CCSER1: variants seen among roughly 807,000 people sequenced by gnomAD.
The protein encoded by CCSER1 is coiled-coil serine rich protein 1.
CCSER1 carries 41 observed loss-of-function variants against 82.0 expected under a neutral mutation model. The observed-to-expected ratio is 0.50, with a 90% CI of 0.39 to 0.65. The LOEUF (loss-of-function observed/expected upper bound fraction) is 0.65, where lower values mean the gene tolerates loss of function less well. Among genes scored for constraint, CCSER1 ranks in the 30% least tolerant of loss-of-function variants. CCSER1 has a pLI of 0.00. For missense variants in CCSER1, 1,119 were observed against 1,064.2 expected, an observed-to-expected ratio of 1.05 and a Z score of -0.72; for synonymous variants, 414 against 383.9, an observed-to-expected ratio of 1.08 and a Z score of -0.92.
intron 10 of CCSER1, among the ~76,000 whole-genome samples, chr4:91,297,648 A>G (rs758522456): frequency 2.6e-5 from 4 of 151,952 alleles, no homozygotes; most frequent in African/African-American, 4.8e-5. Context: ...GTTAGACTGG[A>G]AAATAGGAGG....
At chr4:90,527,359 G>A (rs1357611569) in intron 5 of CCSER1, among the ~76,000 whole-genome samples, 1 of 152,084 alleles carries the variant, frequency 6.6e-6, no homozygotes. Flanking sequence ...CATGATCACT[G>A]GTCATTAAGG....
intron 6 of CCSER1, among the ~76,000 whole-genome samples, chr4:90,682,735 C>A (rs1734120914): frequency 6.6e-6 from 1 of 151,792 alleles, no homozygotes; most frequent in Admixed American, 6.6e-5. Flanking sequence ...GCTCTTTTGT[C>A]CTTGAACATA....
intron 5 of CCSER1, among the ~76,000 whole-genome samples, chr4:90,555,098 G>A (rs1777959957): frequency 6.6e-6 from 1 of 151,830 alleles, no homozygotes; most frequent in Admixed American, 6.6e-5. Flanking sequence ...TCAAAAATAT[G>A]TTAAACATAA....
In CCSER1 at chr4:90,446,710, T is replaced by C. The variant is rs141701215; in HGVS notation, c.1604-21524T>C. Among the ~76,000 whole-genome samples the C allele has an allele frequency of 1.7e-4, 26 of 152,310 alleles. No individual in the cohort carries two copies. The East Asian group carries it at 2.7e-3, about 16-fold the overall frequency. On this transcript the variant is annotated intron_variant, in intron 4 of 10. Transcript: ENST00000509176. Reference sequence around the variant, plus strand: ...ATGGGTTGGAACTATGTGGGTCCACTTGTGTACAGATTTTCCTCAATACAA... The same window carrying C: ...ATGGGTTGGAACTATGTGGGTCCACCTGTGTACAGATTTTCCTCAATACAA...
chr4:91,559,595 ATTTAT>A (rs1317549456), intron 10 of CCSER1, among the ~76,000 whole-genome samples: 1 of 151,474 alleles, frequency 6.6e-6, no homozygotes, highest in African/African-American at 2.4e-5. Context: ...ATATTTATGA[ATTTAT>A]ATTTTTCATA....
At chr4:91,578,956 A>G (rs1175755841) in intron 10 of CCSER1, among the ~76,000 whole-genome samples, 1 of 151,822 alleles carries the variant, frequency 6.6e-6, no homozygotes, top group Non-Finnish European at 1.5e-5. Context: ...AATAATACAC[A>G]TCAGAGAAAT....
At chr4:91,111,849 A>AG (rs1491213694) in intron 10 of CCSER1, among the ~76,000 whole-genome samples, 4 of 148,308 alleles carry the variant, frequency 2.7e-5, no homozygotes, top group Admixed American at 6.7e-5. Context: ...ACAATAAAAC[A>AG]GAAAAAAAAA....
At chr4:90,180,634 G>A (rs1214835503) in intron 1 of CCSER1, among the ~76,000 whole-genome samples, 3 of 151,832 alleles carry the variant, frequency 2.0e-5, no homozygotes, top group East Asian at 1.9e-4. Flanking sequence ...TCTTCCCTCT[G>A]TGACTTCATT....
chr4:90,789,007 T>C (rs912953985), intron 7 of CCSER1, among the ~76,000 whole-genome samples: 7 of 149,394 alleles, frequency 4.7e-5, no homozygotes, highest in African/African-American at 1.3e-4. Flanking sequence ...ATCTAACACA[T>C]ACACACACAC....
intron 2 of CCSER1, among the ~76,000 whole-genome samples, chr4:90,311,573 A>T (rs1735294659): frequency 6.6e-6 from 1 of 152,192 alleles, no homozygotes; most frequent in Non-Finnish European, 1.5e-5. Flanking sequence ...AATGTATTTT[A>T]TCCAATAAAG....
At chr4:91,505,528 T>C (rs1759439301) in intron 10 of CCSER1, among the ~76,000 whole-genome samples, 1 of 152,208 alleles carries the variant, frequency 6.6e-6, no homozygotes, top group African/African-American at 2.4e-5. Flanking sequence ...ACACTATCTT[T>C]CAAAATGGAT....
intron 5 of CCSER1, among the ~76,000 whole-genome samples, chr4:90,556,740 A>G (rs768604278): frequency 1.3e-5 from 2 of 151,746 alleles, no homozygotes; most frequent in East Asian, 1.9e-4. Context: ...TAGGCTGAGG[A>G]AGAGGAAGAA....
intron 9 of CCSER1, among the ~76,000 whole-genome samples, chr4:90,967,965 A>G (rs1734730585): frequency 6.6e-6 from 1 of 152,096 alleles, no homozygotes; most frequent in African/African-American, 2.4e-5. Flanking sequence ...AGTAAAGCTC[A>G]GTGCCAAGAG....
At chr4:90,305,062 G>A (rs932832478) in intron 1 of CCSER1, among the ~76,000 whole-genome samples, 4 of 151,782 alleles carry the variant, frequency 2.6e-5, no homozygotes, top group Non-Finnish European at 4.4e-5. Flanking sequence ...GACTACAGGC[G>A]CCCACCACCA....
At position 90,954,429 on chromosome 4, in the gene CCSER1, G is replaced by A. The variant is rs1356321354; in HGVS notation, c.2172+30982G>A. Among the ~76,000 whole-genome samples, 5 of 151,922 alleles carry A rather than the reference G, an allele frequency of 3.3e-5. No homozygotes were observed. In the East Asian group the frequency reaches 9.7e-4, roughly 29 times the overall value. On this transcript the variant is annotated intron_variant, in intron 9 of 10. Coordinates refer to ENST00000509176, the MANE Select transcript of CCSER1 (RefSeq NM_001145065.2). ...AGTTTTTGTTTATATTTAAATTACA[G>A]TTTACTTAATATTTCACTAGGTATT...
chr4:90,173,951 A>C (rs1392457011), intron 1 of CCSER1, among the ~76,000 whole-genome samples: 5 of 151,998 alleles, frequency 3.3e-5, no homozygotes, highest in African/African-American at 1.2e-4. Context: ...GTACCATTTC[A>C]GTACTTCCTG....
intron 10 of CCSER1, among the ~76,000 whole-genome samples, chr4:91,146,027 A>G (rs757261132): frequency 2.0e-5 from 3 of 152,136 alleles, no homozygotes; most frequent in Admixed American, 2.0e-4. Flanking sequence ...CAAGTGGCCT[A>G]CTACTCTCTC....
At chr4:90,884,381 T>TAC (rs1048246755) in intron 8 of CCSER1, among the ~76,000 whole-genome samples, 8 of 152,282 alleles carry the variant, frequency 5.3e-5, no homozygotes, top group Admixed American at 1.3e-4. Flanking sequence ...TACATGTATA[T>TAC]ACACACACGC....
At chr4:90,953,359 C>G (rs1733114576) in intron 9 of CCSER1, among the ~76,000 whole-genome samples, 1 of 151,190 alleles carries the variant, frequency 6.6e-6, no homozygotes, top group Non-Finnish European at 1.5e-5. Flanking sequence ...TTTATTTTAA[C>G]AAACATAAAT....
Sources: allele counts gnomAD v4.1 joint callset (sites outside exome capture counted in the v4.1 genomes callset), GRCh38; gene constraint gnomAD v4.1.1; transcripts MANE v1.5; gene names NCBI Gene and HGNC (gene_info 2026-07-23, HGNC 2026-07-21).